The following LRSAM1 variants were observed in gnomAD, a reference collection of about 807,000 sequenced individuals.
LRSAM1 encodes leucine rich repeat and sterile alpha motif containing 1, also known as E3 ubiquitin-protein ligase LRSAM1.
In LRSAM1, 96 loss-of-function variants were observed where a neutral mutation model predicts 118.1. The observed-to-expected ratio is 0.81, with a 90% CI of 0.69 to 0.96. The LOEUF is 0.96. Ranked by LOEUF, LRSAM1 falls within the 40% of genes least tolerant of loss-of-function variation. LRSAM1 has a pLI of 0.00. For synonymous variants in LRSAM1, 322 were observed against 364.2 expected, an observed-to-expected ratio of 0.88 and a Z score of 1.32; for missense variants, 804 against 915.5, an observed-to-expected ratio of 0.88 and a Z score of 1.57.
At chr9:127,474,820 A>G (rs1331002562) in intron 11 of LRSAM1, among the ~76,000 whole-genome samples, 1 of 152,174 alleles carries the variant, frequency 6.6e-6, no homozygotes, top group Admixed American at 6.5e-5. Context: ...GACACAGAGG[A>G]GGAAGCTCAA....
At chr9:127,471,475 A>T (rs1286023298) in intron 10 of LRSAM1, among the ~76,000 whole-genome samples, 11 of 46,266 alleles carry the variant, frequency 2.4e-4, no homozygotes, top group Non-Finnish European at 3.1e-4. Flanking sequence ...TATGTTATAA[A>T]AAAAAAAAAA....
chr9:127,478,477 T>A (rs930197177), intron 11 of LRSAM1, among the ~76,000 whole-genome samples: 4 of 152,226 alleles, frequency 2.6e-5, no homozygotes, highest in Admixed American at 6.5e-5. Context: ...TGTTGATAGA[T>A]GTATGAGTTA....
chr9:127,460,256 C>G (rs1403388349), intron 7 of LRSAM1, among the ~76,000 whole-genome samples: 1 of 152,226 alleles, frequency 6.6e-6, no homozygotes, highest in African/African-American at 2.4e-5. Context: ...CCTCAGCCTC[C>G]CAAAGTGCTG....
rs1836230398 is a variant in LRSAM1 at position 127,498,185 on chromosome 9, CGGGGCTCCA to C, written c.1912+856_1912+864del. Among the ~76,000 whole-genome samples the C allele has an allele frequency of 2.0e-5, 3 of 152,126 alleles. No homozygotes were observed. The South Asian group carries it at 6.2e-4, about 32-fold the overall frequency. On this transcript the variant is annotated intron_variant, in intron 24 of 25. Coordinates refer to ENST00000300417, the MANE Select transcript of LRSAM1 (RefSeq NM_001005373.4). Reference sequence around the variant, plus strand: ...GGACTGGACCTCAGTGGGGAGGCCCCGGGGCTCCAGGGGGCTGGGCTGACTGCAGCCCCA... The same window carrying C: ...GGACTGGACCTCAGTGGGGAGGCCCCGGGGGCTGGGCTGACTGCAGCCCCA...
At chr9:127,467,661 C>A in intron 9 of LRSAM1, 79 bp from the exon 10 acceptor site, 2 of 1,372,972 alleles carry the variant, frequency 1.5e-6, no homozygotes, top group Non-Finnish European at 1.0e-6. Flanking sequence ...ACAGAGAACA[C>A]ACAAATTGAT....
Position 127,479,703 on chromosome 9 carries a change from G to A in LRSAM1, c.904-136G>A. On this transcript the variant is annotated intron_variant, in intron 13 of 25. Coordinates refer to ENST00000300417, the MANE Select transcript of LRSAM1 (RefSeq NM_001005373.4). ...GTGCAGATGGACACTGTAGCCTACT[G>A]GGAGGAGCTGGCCGGAGGTCACACA... 5 of 1,357,980 alleles carry A rather than the reference G, an allele frequency of 3.7e-6. No individual in the cohort carries two copies. The Admixed American group carries it at 6.0e-5, about 16-fold the overall frequency. The allele number at this position is 1,357,980 out of a possible 1,614,324, so 84.1% of individuals were successfully genotyped here.
At chr9:127,480,203 C>A (rs923189495) in intron 14 of LRSAM1, among the ~76,000 whole-genome samples, 3 of 152,200 alleles carry the variant, frequency 2.0e-5, no homozygotes, top group African/African-American at 4.8e-5. Context: ...CCAGATTGGA[C>A]CTGTGGCCTC....
chr9:127,497,214 C>A, intron 23 of LRSAM1, 39 bp from the exon 24 acceptor site: 1 of 1,604,894 alleles, frequency 6.2e-7, no homozygotes, highest in South Asian at 1.1e-5. Context: ...AGCGGGCTCC[C>A]GCCCAGGCCA....
rs752519180 is a variant in LRSAM1, at chr9:127,502,881, C to A, written c.2154C>A (p.Arg718=). ...LCRQDIAQRL[R]IYHSS ...GCCAGGACATCGCCCAGCGCCTCCG[C>A]ATCTACCACAGCAGCTGAGTGCTGC... is the stretch of plus-strand genomic sequence containing the variant. The change falls in exon 26 of 26, where the codon CGC becomes CGA. Residue 718 remains arginine (R), a synonymous_variant. Coordinates refer to ENST00000300417, the MANE Select transcript of LRSAM1 (RefSeq NM_001005373.4). The A allele has an allele frequency of 1.2e-6, 2 of 1,604,658 alleles. No individual in the cohort carries two copies. Among genetic ancestry groups the A allele is most frequent in the African/African-American group, 2.7e-5 (2 of 74,692 alleles).
At chr9:127,481,447 A>G (rs1412913073) in intron 15 of LRSAM1, among the ~76,000 whole-genome samples, 1 of 151,802 alleles carries the variant, frequency 6.6e-6, no homozygotes, top group East Asian at 2.0e-4. Flanking sequence ...ACGGGGTTTC[A>G]CCGTGTTAAC....
At chr9:127,493,365 C>T (rs1403184973) in intron 21 of LRSAM1, among the ~76,000 whole-genome samples, 2 of 152,186 alleles carry the variant, frequency 1.3e-5, no homozygotes, top group African/African-American at 2.4e-5. Context: ...CCTAGCCTCT[C>T]CTGCGGTTTT....
At chr9:127,495,246 C>T in intron 21 of LRSAM1, 74 bp from the exon 22 acceptor site, 2 of 1,428,504 alleles carry the variant, frequency 1.4e-6, no homozygotes, top group Non-Finnish European at 2.0e-6. Context: ...AGCCACCGCG[C>T]CTGGCAACCA....
At chr9:127,456,922 G>A (rs1454054374) in intron 5 of LRSAM1, among the ~76,000 whole-genome samples, 1 of 152,076 alleles carries the variant, frequency 6.6e-6, no homozygotes, top group Non-Finnish European at 1.5e-5. Flanking sequence ...CTGAGCCCTG[G>A]CCCCTCTGCC....
intron 9 of LRSAM1, among the ~76,000 whole-genome samples, 156 bp from the exon 10 acceptor site, chr9:127,467,584 C>T (rs777987106): frequency 1.3e-5 from 2 of 152,180 alleles, no homozygotes; most frequent in African/African-American, 2.4e-5. Flanking sequence ...GCACTGGGAA[C>T]GCAGCTGTAA....
chr9:127,477,532 T>C (rs1835385679), intron 11 of LRSAM1, among the ~76,000 whole-genome samples: 1 of 133,516 alleles, frequency 7.5e-6, no homozygotes, highest in African/African-American at 2.9e-5. Context: ...GGTGGATGCT[T>C]GAGCTCAGGA....
chr9:127,485,867 G>T, intron 17 of LRSAM1, 32 bp downstream of exon 17: 1 of 1,596,562 alleles, frequency 6.3e-7, no homozygotes, highest in Non-Finnish European at 8.6e-7. Flanking sequence ...CCAGGTGAGG[G>T]AGCTGGGGGA....
chr9:127,495,975 G>A lies in LRSAM1; in HGVS notation c.1710G>A (p.Met570Ile), dbSNP rs949047682. 1.2e-5 allele frequency: 20 copies of A among 1,612,886 alleles called. No homozygotes were observed. The highest frequency in any genetic ancestry group is 1.7e-5 in the Non-Finnish European group (20 of 1,179,964). ...TTTCTGTCTTGCAGGAAGAGGGGATGGAGCGCCAGCTGGTGGCCCTCCTGG... is the reference window on the plus strand; with the variant it reads ...TTTCTGTCTTGCAGGAAGAGGGGATAGAGCGCCAGCTGGTGGCCCTCCTGG... Reference protein sequence around the residue: ...PLSLKLQEEGMERQLVALLEE... With the variant: ...PLSLKLQEEGIERQLVALLEE... The change falls in exon 23 of 26, where the codon ATG becomes ATA. Residue 570 changes from methionine (M) to isoleucine (I), a missense_variant. Coordinates refer to ENST00000300417, the MANE Select transcript of LRSAM1 (RefSeq NM_001005373.4).
chr9:127,490,426 A>G (rs2132095509), intron 19 of LRSAM1, among the ~76,000 whole-genome samples: 1 of 152,106 alleles, frequency 6.6e-6, no homozygotes. Flanking sequence ...ATAGAGAAGT[A>G]CTGGCTATGG....
chr9:127,481,241 CA>C lies in LRSAM1; in HGVS notation c.1088+15del. ...GGAAAATGAAAGGTAAGTGTTCTTC[CA>C]GGGGAGGGCAGCATTTTTTTTTTTT... On this transcript the variant is annotated intron_variant, in intron 15 of 25. Coordinates refer to ENST00000300417, the MANE Select transcript of LRSAM1 (RefSeq NM_001005373.4). 1 of 1,607,600 alleles carries C rather than the reference CA, an allele frequency of 6.2e-7. No individual in the cohort carries two copies. The highest frequency in any genetic ancestry group is 8.5e-7 in the Non-Finnish European group (1 of 1,178,566).
Sources: gnomAD v4.1 joint callset for allele counts (sites outside exome capture counted in the v4.1 genomes callset) on GRCh38, gnomAD v4.1.1 for gene constraint, MANE v1.5 for transcripts, NCBI Gene and HGNC (gene_info 2026-07-23, HGNC 2026-07-21) for gene names.